Variants in SEC22A observed in about 807,000 individuals in gnomAD.
SEC22A encodes vesicle-trafficking protein SEC22a.
SEC22A carries 22 observed loss-of-function variants against 35.3 expected under a neutral mutation model. The observed-to-expected ratio is 0.62, with a 90% CI of 0.45 to 0.89. The LOEUF is 0.89. SEC22A is among the 40% of genes least tolerant of loss of function. SEC22A has a pLI of 0.00. For missense variants in SEC22A, 354 were observed against 362.5 expected (o/e 0.98, Z 0.19); for synonymous variants, 119 against 129.5 (o/e 0.92, Z 0.55).
intron 5 of SEC22A, among the ~76,000 whole-genome samples, chr3:123,251,046 A>G (rs1937607953): frequency 6.7e-6 from 1 of 148,492 alleles, no homozygotes; most frequent in Non-Finnish European, 1.5e-5. Flanking sequence ...AACTTTTGTT[A>G]ACTTAATTAG....
At chr3:123,224,144 C>T (rs1158086568) in intron 3 of SEC22A, among the ~76,000 whole-genome samples, 2 of 151,986 alleles carry the variant, frequency 1.3e-5, no homozygotes, top group Non-Finnish European at 1.5e-5. Context: ...CGTTGTAGCT[C>T]GAAAGCAGCC....
chr3:123,249,382 G>T (rs1937592136), intron 5 of SEC22A, among the ~76,000 whole-genome samples: 2 of 152,216 alleles, frequency 1.3e-5, no homozygotes, highest in African/African-American at 4.8e-5. Flanking sequence ...TTCTAATCAT[G>T]GCTTGGTCTT....
chr3:123,228,773 GATA>G (rs1377998454), intron 4 of SEC22A, among the ~76,000 whole-genome samples: 2 of 151,980 alleles, frequency 1.3e-5, no homozygotes, highest in Non-Finnish European at 2.9e-5. Context: ...GGGGAGGTAT[GATA>G]ATGTTGCATC....
At chr3:123,252,111 G>T (rs1397845450) in intron 5 of SEC22A, among the ~76,000 whole-genome samples, 8 of 152,158 alleles carry the variant, frequency 5.3e-5, no homozygotes, top group African/African-American at 1.9e-4. Flanking sequence ...TTGGGAACCT[G>T]AGGTCTCTTA....
intron 5 of SEC22A, among the ~76,000 whole-genome samples, chr3:123,248,859 A>G (rs1360423662): frequency 6.6e-6 from 1 of 152,200 alleles, no homozygotes; most frequent in Admixed American, 6.5e-5. Context: ...GTTTTCTCAT[A>G]TCAACATATT....
chr3:123,226,412 G>A (rs928551228), intron 4 of SEC22A, among the ~76,000 whole-genome samples: 2 of 152,086 alleles, frequency 1.3e-5, no homozygotes, highest in African/African-American at 2.4e-5. Flanking sequence ...ATGATGTCTC[G>A]TTGTAGTTTT....
intron 6 of SEC22A, among the ~76,000 whole-genome samples, chr3:123,269,177 A>ACG (rs1553713607): frequency 8.9e-6 from 1 of 112,068 alleles, no homozygotes; most frequent in Admixed American, 8.9e-5. Context: ...TGAATTAAAT[A>ACG]TATGTGTGTG....
Position 123,223,542 on chromosome 3 carries a change from TG to T in SEC22A, c.183-16del, listed in dbSNP as rs1470155773. 1.2e-6 allele frequency: 2 copies of T among 1,606,030 alleles called. No homozygotes were observed. The highest frequency in any genetic ancestry group is 1.7e-6 in the Non-Finnish European group (2 of 1,174,482). On this transcript the variant is annotated splice_polypyrimidine_tract_variant and intron_variant, in intron 2 of 6. Coordinates refer to ENST00000492595, the MANE Select transcript of SEC22A (RefSeq NM_012430.5). ...ATTTAATTTGAAATTTTAAAACCAA[TG>T]TTTTTTACACTGTAGTTTTATTAGC...
chr3:123,231,189 A>C (rs1937318871), intron 4 of SEC22A, among the ~76,000 whole-genome samples: 1 of 152,208 alleles, frequency 6.6e-6, no homozygotes, highest in African/African-American at 2.4e-5. Context: ...TGAATACAGA[A>C]ATAGACAATT....
chr3:123,247,404 T>G (rs186304710), intron 5 of SEC22A, among the ~76,000 whole-genome samples: 1 of 152,322 alleles, frequency 6.6e-6, no homozygotes, highest in East Asian at 1.9e-4. Flanking sequence ...TGCATTAACT[T>G]TAAGTTAAAA....
In SEC22A at chr3:123,220,866, TCATATATATATATA is replaced by T. The variant is rs1428473432; in HGVS notation, c.183-2678_183-2665del. On this transcript the variant is annotated intron_variant, in intron 2 of 6. Transcript: ENST00000492595. ...CCTAGGATGGTCTTTAAAAAAGGTC[TCATATATATATATA>T]CATATATATATATATATGTCACATG... is the stretch of plus-strand genomic sequence containing the variant. Among the ~76,000 whole-genome samples the T allele has an allele frequency of 4.7e-4, 34 of 71,762 alleles. 1 individual carries two copies. The highest frequency in any genetic ancestry group is 2.1e-3 in the East Asian group (8 of 3,764). The allele number at this position is 71,762 out of a possible 152,430, so 47.1% of individuals were successfully genotyped here.
chr3:123,230,157 AT>A (rs1937295485), intron 4 of SEC22A, among the ~76,000 whole-genome samples: 1 of 152,056 alleles, frequency 6.6e-6, no homozygotes, highest in Admixed American at 6.5e-5. Context: ...ACATTAATGC[AT>A]TTTTCTTCTA....
At chr3:123,216,408 G>A (rs1217800144) in intron 2 of SEC22A, among the ~76,000 whole-genome samples, 4 of 152,152 alleles carry the variant, frequency 2.6e-5, no homozygotes, top group African/African-American at 7.2e-5. Flanking sequence ...GTCTCTCATG[G>A]TGTAATTACC....
At chr3:123,231,810 A>G (rs1478686100) in intron 4 of SEC22A, among the ~76,000 whole-genome samples, 1 of 152,202 alleles carries the variant, frequency 6.6e-6, no homozygotes, top group Non-Finnish European at 1.5e-5. Flanking sequence ...AAGGAAGGAA[A>G]TAACGATTAG....
intron 4 of SEC22A, among the ~76,000 whole-genome samples, chr3:123,242,967 A>G (rs1225941021): frequency 1.3e-5 from 2 of 152,176 alleles, no homozygotes; most frequent in Non-Finnish European, 1.5e-5. Flanking sequence ...AACCTTCATC[A>G]TATGAGAATC....
intron 1 of SEC22A, among the ~76,000 whole-genome samples, chr3:123,203,343 T>A (rs931535677): frequency 6.6e-6 from 1 of 152,104 alleles, no homozygotes; most frequent in Non-Finnish European, 1.5e-5. Context: ...AACGCTTAAA[T>A]GAGGTAATGT....
At chr3:123,238,386 C>T (rs1486779378) in intron 4 of SEC22A, among the ~76,000 whole-genome samples, 2 of 151,980 alleles carry the variant, frequency 1.3e-5, no homozygotes, top group Non-Finnish European at 2.9e-5. Context: ...TTAGTAGAGA[C>T]AGGGTTTCAC....
intron 5 of SEC22A, among the ~76,000 whole-genome samples, chr3:123,252,940 G>T (rs111757933): frequency 0.013 from 2,018 of 152,240 alleles, 50 homozygotes; most frequent in African/African-American, 0.047. Flanking sequence ...ACTTTGCTCT[G>T]AGTTTAGAGA....
At chr3:123,250,278 C>T (rs775555219) in intron 5 of SEC22A, among the ~76,000 whole-genome samples, 27 of 152,164 alleles carry the variant, frequency 1.8e-4, no homozygotes, top group Non-Finnish European at 2.6e-4. Flanking sequence ...GGTGTGGTGG[C>T]GCACGCCTAT....
Sources: allele counts gnomAD v4.1 joint callset (sites outside exome capture counted in the v4.1 genomes callset), GRCh38; gene constraint gnomAD v4.1.1; transcripts MANE v1.5; gene names NCBI Gene and HGNC (gene_info 2026-07-23, HGNC 2026-07-21).